JADE3: variants seen among roughly 807,000 people sequenced by gnomAD.
JADE3 encodes jade family PHD finger 3, also known as protein Jade-3.
A neutral mutation model predicts 50.1 loss-of-function variants in JADE3; 2 were observed. That is an observed-to-expected ratio of 0.04 (90% CI 0.02 to 0.13). The LOEUF is 0.13. Among genes scored for constraint, JADE3 ranks in the 10% least tolerant of loss-of-function variants. The pLI is 1.00. For missense variants in JADE3, 475 were observed against 634.4 expected (o/e 0.75, Z 2.70); for synonymous variants, 218 against 232.9 (o/e 0.94, Z 0.58).
At chrX:47,030,297 CTATT>C (rs1433490190) in intron 6 of JADE3, among the ~76,000 whole-genome samples, 1 of 111,270 alleles carries the variant, frequency 9.0e-6, no homozygotes, top group Non-Finnish European at 1.9e-5. Flanking sequence ...ATCTCCAATG[CTATT>C]TATTAGTCTT....
At chrX:46,958,754 T>C (rs1927188540) in intron 1 of JADE3, among the ~76,000 whole-genome samples, 1 of 112,245 alleles carries the variant, frequency 8.9e-6, no homozygotes, top group African/African-American at 3.2e-5. Context: ...ATTCAAGCTT[T>C]TTATTTGCAA....
Position 46,935,218 on chromosome X carries a change from G to T in JADE3, c.-12+22499G>T, listed in dbSNP as rs925151788. Among the ~76,000 whole-genome samples the T allele has an allele frequency of 3.6e-5, 4 of 112,201 alleles. No individual in the cohort carries two copies. The Admixed American group carries it at 3.8e-4, about 11-fold the overall frequency. On this transcript the variant is annotated intron_variant, in intron 1 of 10. Coordinates refer to ENST00000614628, the MANE Select transcript of JADE3 (RefSeq NM_014735.5). ...CAAAGTGCTGGGATTACAGACATGA[G>T]CCACTGTGCCCAGCTTGCTGGTCTG... is the stretch of plus-strand genomic sequence containing the variant.
chrX:47,048,382 A>C (rs1929423225), intron 8 of JADE3, among the ~76,000 whole-genome samples: 1 of 112,106 alleles, frequency 8.9e-6, no homozygotes, highest in Admixed American at 9.5e-5. Context: ...ATATCCACAC[A>C]AAAACTGCTG....
At chrX:47,025,168 A>G (rs185480774) in intron 5 of JADE3, among the ~76,000 whole-genome samples, 188 of 112,104 alleles carry the variant, frequency 1.7e-3, no homozygotes, top group African/African-American at 5.8e-3. Context: ...GATAGCATAT[A>G]GGTCTCATGA....
In JADE3 at chrX:46,960,873, T is replaced by A. The variant is rs144870506; in HGVS notation, c.-11-24011T>A. Among the ~76,000 whole-genome samples the A allele has an allele frequency of 4.4e-3, 488 of 110,839 alleles. 1 individual carries two copies. Among genetic ancestry groups the A allele is most frequent in the African/African-American group, 0.015 (457 of 30,495 alleles). Reference sequence around the variant, plus strand: ...TAAGGAACCAGGTCAGAGAGAGAGGTTCTCTGATGGTGGCAGTGACTCTCC... The same window carrying A: ...TAAGGAACCAGGTCAGAGAGAGAGGATCTCTGATGGTGGCAGTGACTCTCC... On this transcript the variant is annotated intron_variant, in intron 1 of 10. Coordinates refer to ENST00000614628, the MANE Select transcript of JADE3 (RefSeq NM_014735.5).
At chrX:46,972,290 G>C (rs1483609095) in intron 1 of JADE3, among the ~76,000 whole-genome samples, 1 of 110,313 alleles carries the variant, frequency 9.1e-6, no homozygotes, top group African/African-American at 3.3e-5. Context: ...CCACCTCCTG[G>C]GTTCAAGCAA....
In JADE3 at chrX:47,054,235, A is replaced by G. The variant is rs782592212; in HGVS notation, c.1050A>G (p.Leu350=). The G allele has an allele frequency of 3.5e-5, 42 of 1,207,030 alleles. No homozygotes were observed. Among genetic ancestry groups the G allele is most frequent in the Non-Finnish European group, 4.6e-5 (41 of 894,070 alleles). The change falls in exon 9 of 11, where the codon CTA becomes CTG. Residue 350 remains leucine (L), a synonymous_variant. Transcript: ENST00000614628. ...ACGGCCTAGAGATGAAGACCATCCT[A>G]GATGAGGGAGACGAAGTGAAGTTCA... The part of the protein sequence containing the change: ...FEHGLEMKTI[L]DEGDEVKFKS...
intron 1 of JADE3, among the ~76,000 whole-genome samples, chrX:46,957,213 T>TTAGATAGA (rs61650300): frequency 0.29 from 28,770 of 98,327 alleles, 3,563 homozygotes; most frequent in Non-Finnish European, 0.31. Flanking sequence ...TTCAGATAGA[T>TTAGATAGA]TAGATAGATA....
At chrX:47,007,150 A>G (rs1602405779) in intron 4 of JADE3, among the ~76,000 whole-genome samples, 1 of 111,235 alleles carries the variant, frequency 9.0e-6, no homozygotes, top group East Asian at 2.8e-4. Context: ...CACTCTATAT[A>G]ATTCCAGTTA....
At chrX:47,000,696 G>A in intron 4 of JADE3, among the ~76,000 whole-genome samples, 1 of 110,838 alleles carries the variant, frequency 9.0e-6, no homozygotes, top group East Asian at 2.8e-4. Flanking sequence ...GGGGTTACAG[G>A]CATGTGCCAC....
intron 3 of JADE3, among the ~76,000 whole-genome samples, chrX:46,986,994 G>T (rs1223375944): frequency 8.9e-6 from 1 of 112,261 alleles, no homozygotes; most frequent in Non-Finnish European, 1.9e-5. Flanking sequence ...CTGTGGGTCA[G>T]TAATCTGGGC....
At chrX:46,914,141 C>G (rs1291764393) in intron 1 of JADE3, among the ~76,000 whole-genome samples, 1 of 112,100 alleles carries the variant, frequency 8.9e-6, no homozygotes, top group Non-Finnish European at 1.9e-5. Context: ...GTTTAAGCAA[C>G]CCACAATCCA....
intron 1 of JADE3, among the ~76,000 whole-genome samples, chrX:46,938,174 A>T (rs1260519360): frequency 1.8e-5 from 2 of 111,636 alleles, no homozygotes; most frequent in Non-Finnish European, 3.8e-5. Context: ...AGACCACTAC[A>T]TTTAATGTAA....
At chrX:47,042,163 T>C (rs1929275088) in intron 8 of JADE3, among the ~76,000 whole-genome samples, 1 of 111,060 alleles carries the variant, frequency 9.0e-6, no homozygotes, top group Non-Finnish European at 1.9e-5. Flanking sequence ...CTGGCTAATT[T>C]TTTTGTTTTG....
chrX:46,957,064 G>C (rs1927142115), intron 1 of JADE3, among the ~76,000 whole-genome samples: 1 of 110,881 alleles, frequency 9.0e-6, no homozygotes, highest in Admixed American at 9.6e-5. Context: ...AGCTCAAGCA[G>C]TCCACCTGCC....
Position 47,054,420 on chromosome X carries a change from G to A in JADE3, c.1235G>A (p.Arg412Gln), listed in dbSNP as rs782052464. 1.8e-5 allele frequency: 22 copies of A among 1,209,601 alleles called. No homozygotes were observed. Among genetic ancestry groups the A allele is most frequent in the East Asian group, 5.9e-5 (2 of 33,772 alleles). The change falls in exon 9 of 11, where the codon CGA (arginine) becomes CAA (glutamine). Residue 412 changes from arginine (R) to glutamine (Q), a missense_variant. By Grantham distance (43) the Arg-to-Gln change is conservative. Around this residue, in one of 6 missense-constraint regions of JADE3, gnomAD observed 81 missense variants for 123.8 expected, o/e 0.65. Coordinates refer to ENST00000614628, the MANE Select transcript of JADE3 (RefSeq NM_014735.5). ...ELEEEFYSLV[R>Q]VEDVAAELGM... is the part of the protein sequence containing the mutation. ...GAGGAGGAGTTCTATTCCTTGGTAC[G>A]AGTGGAAGATGTGGCCGCAGAGCTG...
intron 1 of JADE3, among the ~76,000 whole-genome samples, chrX:46,931,824 T>C (rs1460870705): frequency 2.7e-5 from 3 of 112,142 alleles, no homozygotes; most frequent in African/African-American, 9.7e-5. Flanking sequence ...CATGTTACTA[T>C]GTGAAAAGAA....
chrX:47,056,975 G>C (rs782261633), intron 10 of JADE3, among the ~76,000 whole-genome samples: 1 of 112,202 alleles, frequency 8.9e-6, no homozygotes, highest in African/African-American at 3.2e-5. Context: ...GAGGTGACAG[G>C]TGGGTGTCAG....
In JADE3 at chrX:47,000,285, T is replaced by C. The variant is rs782247735; in HGVS notation, c.284+2008T>C. Among the ~76,000 whole-genome samples the C allele has an allele frequency of 2.7e-5, 3 of 111,688 alleles. No homozygotes were observed. The South Asian group carries it at 1.1e-3, about 43-fold the overall frequency. On this transcript the variant is annotated intron_variant, in intron 4 of 10. Transcript: ENST00000614628. ...AGTGTTTTCATGTCCTTGTTGTCAGTATTTTTATACAAATATAGCAGCCCT... is the reference window on the plus strand; with the variant it reads ...AGTGTTTTCATGTCCTTGTTGTCAGCATTTTTATACAAATATAGCAGCCCT...
Sources: gnomAD v4.1 joint callset for allele counts (sites outside exome capture counted in the v4.1 genomes callset) on GRCh38, gnomAD v4.1.1 for gene constraint, gnomAD v4.1.1 regional missense constraint, MANE v1.5 for transcripts, NCBI Gene and HGNC (gene_info 2026-07-23, HGNC 2026-07-21) for gene names.